Variants in CYTH1 observed in about 807,000 individuals in gnomAD.
The protein encoded by CYTH1 is cytohesin-1.
In CYTH1, 18 loss-of-function variants were observed where a neutral mutation model predicts 61.8. The ratio of observed to expected loss-of-function variants is 0.29; its 90% CI spans 0.20 to 0.43. CYTH1 has a LOEUF of 0.43. Among genes scored for constraint, CYTH1 ranks in the 20% least tolerant of loss-of-function variants. The pLI, the probability that CYTH1 is intolerant of heterozygous loss-of-function variation, is 1.00. For missense variants in CYTH1, 336 were observed against 510.5 expected, an observed-to-expected ratio of 0.66 and a Z score of 3.29; for synonymous variants, 174 against 184.3, an observed-to-expected ratio of 0.94 and a Z score of 0.45.
At chr17:78,761,714 G>A (rs1444916700) in intron 1 of CYTH1, among the ~76,000 whole-genome samples, 1 of 152,044 alleles carries the variant, frequency 6.6e-6, no homozygotes, top group African/African-American at 2.4e-5. Flanking sequence ...CTCCAGCCTG[G>A]GGGACAGAGC....
intron 1 of CYTH1, among the ~76,000 whole-genome samples, chr17:78,770,698 G>A (rs2093468020): frequency 6.6e-6 from 1 of 152,150 alleles, no homozygotes; most frequent in Non-Finnish European, 1.5e-5. Context: ...GAGCCACAGA[G>A]CCCGACTGAA....
intron 11 of CYTH1, among the ~76,000 whole-genome samples, chr17:78,690,456 G>A (rs1184740901): frequency 3.7e-5 from 5 of 133,724 alleles, no homozygotes; most frequent in Admixed American, 7.7e-5. Context: ...GCTGGGTGCA[G>A]ATCACCTGAG....
chr17:78,722,763 G>A (rs139979859), intron 1 of CYTH1, among the ~76,000 whole-genome samples: 89 of 152,208 alleles, frequency 5.8e-4, no homozygotes, highest in Non-Finnish European at 9.1e-4. Flanking sequence ...CATTAAACGC[G>A]ACGTACAATT....
chr17:78,708,332 C>T, intron 2 of CYTH1, 71 bp from the exon 3 acceptor site: 1 of 1,390,104 alleles, frequency 7.2e-7, no homozygotes, highest in Non-Finnish European at 9.9e-7. Context: ...TAAAATCTCA[C>T]ATAACTCCCT....
intron 1 of CYTH1, among the ~76,000 whole-genome samples, chr17:78,754,260 T>A (rs912615133): frequency 6.6e-6 from 1 of 152,232 alleles, no homozygotes; most frequent in Non-Finnish European, 1.5e-5. Context: ...TTACGCAGAT[T>A]TGCCCACCCA....
intron 1 of CYTH1, among the ~76,000 whole-genome samples, chr17:78,742,778 C>T (rs1207532605): frequency 1.3e-5 from 2 of 152,120 alleles, no homozygotes; most frequent in Non-Finnish European, 2.9e-5. Flanking sequence ...TCACTTGAAC[C>T]TGGGAGGCAG....
intron 1 of CYTH1, among the ~76,000 whole-genome samples, chr17:78,748,827 T>G (rs1462471857): frequency 1.3e-5 from 2 of 152,208 alleles, no homozygotes; most frequent in East Asian, 1.9e-4. Flanking sequence ...TTTGCTCTCC[T>G]GCCTTACTAA....
chr17:78,694,284 T>C (rs1046711827), intron 10 of CYTH1, among the ~76,000 whole-genome samples: 3 of 152,202 alleles, frequency 2.0e-5, no homozygotes, highest in African/African-American at 7.2e-5. Context: ...GCGAGGGAAT[T>C]TGCTGTAAGC....
intron 7 of CYTH1, among the ~76,000 whole-genome samples, chr17:78,699,865 G>A (rs368909652): frequency 4.2e-4 from 64 of 152,192 alleles, no homozygotes; most frequent in African/African-American, 1.5e-3. Context: ...AGCTCACTGC[G>A]TGTAGTCGTA....
In CYTH1 at chr17:78,680,321, G is replaced by C. The variant is rs772351939; in HGVS notation, c.987C>G (p.Pro329=). The C allele has an allele frequency of 6.2e-7, 1 of 1,613,848 alleles. No individual in the cohort carries two copies. Among genetic ancestry groups the C allele is most frequent in the Admixed American group, 1.7e-5 (1 of 59,980 alleles). ...CCTTGATAACTTGGTCTTTATTGTCGGGGATATAAAGCTCAAAGCAGTTCT... is the reference window on the plus strand; with the variant it reads ...CCTTGATAACTTGGTCTTTATTGTCCGGGATATAAAGCTCAAAGCAGTTCT... ...KKPNCFELYI[P]DNKDQVIKAC... is the part of the protein sequence containing the mutation. Residue 329 remains proline (P), a synonymous_variant, in exon 13 of 14, where the codon CCC becomes CCG. Transcript: ENST00000446868.
intron 1 of CYTH1, among the ~76,000 whole-genome samples, chr17:78,767,015 G>T (rs552856569): frequency 6.6e-6 from 1 of 152,182 alleles, no homozygotes; most frequent in Non-Finnish European, 1.5e-5. Flanking sequence ...GGGTAACTGT[G>T]AGGGTTCAAT....
chr17:78,702,510 G>C (rs377496211), intron 4 of CYTH1, 28 bp downstream of exon 4: 1 of 1,611,372 alleles, frequency 6.2e-7, no homozygotes, highest in Non-Finnish European at 8.5e-7. Context: ...ATCTAATATG[G>C]ACCACTTCCC....
At chr17:78,698,190 C>T in intron 9 of CYTH1, 79 bp downstream of exon 9, 2 of 1,168,034 alleles carry the variant, frequency 1.7e-6, no homozygotes, top group Middle Eastern at 2.4e-4. Context: ...CGCACACACG[C>T]ACGCACGCAC....
chr17:78,699,186 G>A (rs1049278936), intron 7 of CYTH1, among the ~76,000 whole-genome samples: 8 of 152,060 alleles, frequency 5.3e-5, no homozygotes, highest in Non-Finnish European at 1.2e-4. Flanking sequence ...CCCACATGGT[G>A]AAAACCCGTC....
chr17:78,703,238 C>G (rs1157893701), intron 3 of CYTH1, among the ~76,000 whole-genome samples: 7 of 151,146 alleles, frequency 4.6e-5, no homozygotes, highest in Admixed American at 4.6e-4. Flanking sequence ...ATGGTGAAAC[C>G]CTGTCTCTAC....
rs536906851 is a variant in CYTH1 at position 78,717,440 on chromosome 17, T to C, written c.23-7708A>G. ...AAGTGACAAAAACAACAAGGCGCTA[T>C]TGTGCTTGGCTGTGAATAGGAAAGC... On this transcript the variant is annotated intron_variant, in intron 1 of 13. Coordinates refer to ENST00000446868, the MANE Select transcript of CYTH1 (RefSeq NM_004762.6). The surrounding 1 kb of genome is among the most constrained non-coding windows in gnomAD (Gnocchi z 4.4). Among the ~76,000 whole-genome samples the C allele has an allele frequency of 2.9e-4, 44 of 152,342 alleles. No individual in the cohort carries two copies. The highest frequency in any genetic ancestry group is 9.1e-4 in the African/African-American group (38 of 41,578).
At chr17:78,755,957 T>C (rs1485473274) in intron 1 of CYTH1, among the ~76,000 whole-genome samples, 2 of 151,418 alleles carry the variant, frequency 1.3e-5, no homozygotes, top group East Asian at 3.9e-4. Flanking sequence ...AAAAGGGCCA[T>C]GAAGCATCTT....
rs145030285 is a variant in CYTH1, at chr17:78,682,065, C to T, written c.892-1023G>A. Reference sequence around the variant, plus strand: ...AGAAGAGGACTGAGCTCCTCTTACCCGGGCATATTCATATTCCCCGTCCTC... The same window carrying T: ...AGAAGAGGACTGAGCTCCTCTTACCTGGGCATATTCATATTCCCCGTCCTC... On this transcript the variant is annotated intron_variant, in intron 11 of 13. Coordinates refer to ENST00000446868, the MANE Select transcript of CYTH1 (RefSeq NM_004762.6). Among the ~76,000 whole-genome samples the T allele has an allele frequency of 1.2e-3, 182 of 151,462 alleles. No homozygotes were observed. In the Middle Eastern group the frequency reaches 0.017, roughly 14 times the overall value.
intron 10 of CYTH1, among the ~76,000 whole-genome samples, chr17:78,694,431 T>G (rs560043581): frequency 6.6e-6 from 1 of 152,254 alleles, no homozygotes; most frequent in East Asian, 1.9e-4. Flanking sequence ...GAGAAAACCA[T>G]AAATGGATAC....
Sources: allele counts gnomAD v4.1 joint callset (sites outside exome capture counted in the v4.1 genomes callset), GRCh38; gene constraint gnomAD v4.1.1; non-coding constraint Gnocchi (gnomAD v3.1); transcripts MANE v1.5; gene names NCBI Gene and HGNC (gene_info 2026-07-23, HGNC 2026-07-21).